The following CDK5RAP2 variants were observed in gnomAD, a reference collection of about 807,000 sequenced individuals.
The protein encoded by CDK5RAP2 is CDK5 regulatory subunit associated protein 2.
A neutral mutation model predicts 232.9 loss-of-function variants in CDK5RAP2; 147 were observed. That is an observed-to-expected ratio of 0.63 (90% CI 0.55 to 0.72). The LOEUF is 0.72. Ranked by LOEUF, CDK5RAP2 falls within the 30% of genes least tolerant of loss-of-function variation. CDK5RAP2 has a pLI of 0.00. For missense variants in CDK5RAP2, 2,195 were observed against 2,231.5 expected, an observed-to-expected ratio of 0.98 and a Z score of 0.33; for synonymous variants, 833 against 833.7, an observed-to-expected ratio of 1.00 and a Z score of 0.01.
Position 120,550,861 on chromosome 9 carries a change from G to C in CDK5RAP2, c.237C>G (p.Leu79=), listed in dbSNP as rs1383566587. 1.1e-5 allele frequency: 18 copies of C among 1,613,284 alleles called. No individual in the cohort carries two copies. Among genetic ancestry groups the C allele is most frequent in the Non-Finnish European group, 1.5e-5 (18 of 1,179,394 alleles). ...TTCTTTCCTCAAGGAAATAGATGCG[G>C]AGCTTTAGGTTAAAGTTTTCTTTCT... The part of the protein sequence containing the change: ...ELKKENFNLK[L]RIYFLEERMQ... Residue 79 remains leucine, a synonymous_variant, in exon 4 of 38, where the codon CTC becomes CTG. Transcript: ENST00000349780.
chr9:120,409,088 G>C (rs1459198465), intron 30 of CDK5RAP2, 39 bp downstream of exon 30: 9 of 1,590,120 alleles, frequency 5.7e-6, no homozygotes, highest in Non-Finnish European at 7.7e-6. Context: ...CTGCATGCGT[G>C]GTACGGCCAG....
At position 120,573,134 on chromosome 9, in the gene CDK5RAP2, T is replaced by C. The variant is rs180898109; in HGVS notation, c.60-1093A>G. On this transcript the variant is annotated intron_variant, in intron 1 of 37. Coordinates refer to ENST00000349780, the MANE Select transcript of CDK5RAP2 (RefSeq NM_018249.6). Reference sequence around the variant, plus strand: ...CATGCCTCTAAATCCAAATTCATTGTGCTCCTAGGATAATTTTGCCTGACC... The same window carrying C: ...CATGCCTCTAAATCCAAATTCATTGCGCTCCTAGGATAATTTTGCCTGACC... Among the ~76,000 whole-genome samples the C allele has an allele frequency of 2.6e-3, 389 of 152,362 alleles. 2 individuals carry two copies. The highest frequency in any genetic ancestry group is 8.2e-3 in the African/African-American group (343 of 41,580).
At chr9:120,402,756 C>T (rs752959590) in intron 34 of CDK5RAP2, 50 bp downstream of exon 34, 10 of 1,609,252 alleles carry the variant, frequency 6.2e-6, no homozygotes, top group South Asian at 3.3e-5. Flanking sequence ...CCCCTTCCAC[C>T]GACACTCCCA....
At position 120,453,790 on chromosome 9, in the gene CDK5RAP2, T is replaced by C. The variant is rs746550137; in HGVS notation, c.2459A>G (p.Asp820Gly). ...TEQEVSGEHL[D>G]GKTEKTPKQK... Reference sequence around the variant, plus strand: ...CTTAGGTGTCTTCTCAGTTTTACCATCAAGGTGTTCTCCAGAAACTTCCTG... The same window carrying C: ...CTTAGGTGTCTTCTCAGTTTTACCACCAAGGTGTTCTCCAGAAACTTCCTG... The change falls in exon 21 of 38, where the codon GAT becomes GGT. Residue 820 changes from aspartate to glycine, a missense_variant. Transcript: ENST00000349780. 1.3e-5 allele frequency: 21 copies of C among 1,614,088 alleles called. No homozygotes were observed. The highest frequency in any genetic ancestry group is 1.6e-5 in the Non-Finnish European group (19 of 1,180,038).
In CDK5RAP2 at chr9:120,491,596, T is replaced by C. The variant is rs80011591; in HGVS notation, c.1312-119A>G. The C allele has an allele frequency of 4.6e-3, 3,023 of 656,148 alleles. 66 individuals carry two copies. In the African/African-American group the frequency reaches 0.049, roughly 11 times the overall value. The allele number at this position is 656,148 out of a possible 1,614,324, so 40.6% of individuals were successfully genotyped here. The stretch of plus-strand genomic sequence containing the variant: ...GATAATAGATGTATTTAAGGGAGTA[T>C]ACAAGTGTATATTTAAATCCTTCTC... On this transcript the variant is annotated intron_variant, in intron 12 of 37. Transcript: ENST00000349780.
chr9:120,498,380 C>T (rs2039417687), intron 12 of CDK5RAP2, among the ~76,000 whole-genome samples: 1 of 152,146 alleles, frequency 6.6e-6, no homozygotes, highest in Admixed American at 6.5e-5. Flanking sequence ...GAACATTTCA[C>T]AAAATAACTG....
At chr9:120,425,253 CTATT>C (rs2034821425) in intron 25 of CDK5RAP2, among the ~76,000 whole-genome samples, 1 of 152,170 alleles carries the variant, frequency 6.6e-6, no homozygotes, top group African/African-American at 2.4e-5. Context: ...ACCCGTTCCC[CTATT>C]ATTATAACAG....
At chr9:120,542,957 G>A (rs1045217354) in intron 5 of CDK5RAP2, among the ~76,000 whole-genome samples, 1 of 152,196 alleles carries the variant, frequency 6.6e-6, no homozygotes, top group African/African-American at 2.4e-5. Flanking sequence ...GCTGGGAGGA[G>A]GTGAGAGGGG....
chr9:120,471,911 C>G (rs754561567), intron 15 of CDK5RAP2, 33 bp from the exon 16 acceptor site: 1 of 1,613,636 alleles, frequency 6.2e-7, no homozygotes. Flanking sequence ...AGTTTTAAAA[C>G]AGACCTATTT....
intron 35 of CDK5RAP2, among the ~76,000 whole-genome samples, chr9:120,400,452 G>C (rs2032900826): frequency 6.6e-6 from 1 of 152,202 alleles, no homozygotes; most frequent in South Asian, 2.1e-4. Context: ...TTTCAAACAA[G>C]TTCTAACCTT....
rs146699274 is a variant in CDK5RAP2, at chr9:120,492,178, A to C, written c.1312-701T>G. Among the ~76,000 whole-genome samples, 340 of 152,314 alleles carry C rather than the reference A, an allele frequency of 2.2e-3. 2 individuals carry two copies. Among genetic ancestry groups the C allele is most frequent in the African/African-American group, 7.8e-3 (324 of 41,578 alleles). On this transcript the variant is annotated intron_variant, in intron 12 of 37. Transcript: ENST00000349780. Reference sequence around the variant, plus strand: ...ATACTGAAGCACTATTCATAATAGCAAAAGGCTGTGAACAATCCAAATGTC... The same window carrying C: ...ATACTGAAGCACTATTCATAATAGCCAAAGGCTGTGAACAATCCAAATGTC...
At chr9:120,508,338 G>T (rs918980652) in intron 12 of CDK5RAP2, among the ~76,000 whole-genome samples, 1 of 152,090 alleles carries the variant, frequency 6.6e-6, no homozygotes, top group Non-Finnish European at 1.5e-5. Context: ...TGTGGAGGTG[G>T]GTGCCAGGCC....
Position 120,539,117 on chromosome 9 carries a change from C to A in CDK5RAP2, c.431G>T (p.Arg144Leu). 1 of 1,613,988 alleles carries A rather than the reference C, an allele frequency of 6.2e-7. No individual in the cohort carries two copies. Among genetic ancestry groups the A allele is most frequent in the Non-Finnish European group, 8.5e-7 (1 of 1,179,918 alleles). The change falls in exon 6 of 38, where the codon CGG (arginine) becomes CTG (leucine). Residue 144 changes from arginine to leucine, a missense_variant. By Grantham distance (102) the Arg-to-Leu change is moderately radical. Transcript: ENST00000349780. ...CTTCTTTCGAGCATCTTCTTTCACC[C>A]GCTGGATTTCAGAGCCACCTGCTTC... ...LAEAGGSEIQ[R>L]VKEDARKKVQ...
rs56032707 is a variant in CDK5RAP2 at position 120,518,165 on chromosome 9, CTGTGTGTG to C, written c.1311+254_1311+261del. 1.2e-3 allele frequency among the ~76,000 whole-genome samples: 131 copies of C among 111,238 alleles called. 2 individuals are homozygous for C. The highest frequency in any genetic ancestry group is 3.5e-3 in the South Asian group (9 of 2,602). 73.0% of individuals were successfully genotyped at this position (111,238 alleles called of 152,430 possible). On this transcript the variant is annotated intron_variant, in intron 12 of 37. Coordinates refer to ENST00000349780, the MANE Select transcript of CDK5RAP2 (RefSeq NM_018249.6). ...CTGTATTTTCAACTCGATAACAACT[CTGTGTGTG>C]TGTGTGTGTGTGTGTGTGTGTGTGT...
intron 11 of CDK5RAP2, among the ~76,000 whole-genome samples, chr9:120,522,576 C>T (rs2131867147): frequency 6.6e-6 from 1 of 152,290 alleles, no homozygotes; most frequent in Non-Finnish European, 1.5e-5. Flanking sequence ...TTATAAATTT[C>T]CTACAATGTG....
chr9:120,397,968 TC>T (rs1449117807), intron 35 of CDK5RAP2, among the ~76,000 whole-genome samples: 1 of 152,200 alleles, frequency 6.6e-6, no homozygotes. Context: ...TCTCCCTCTT[TC>T]CCCACGCTGG....
chr9:120,422,253 GTGCACAGCTA>G (rs1319534692), intron 26 of CDK5RAP2, among the ~76,000 whole-genome samples: 1 of 152,212 alleles, frequency 6.6e-6, no homozygotes, highest in East Asian at 1.9e-4. Context: ...GGAAGGCAGA[GTGCACAGCTA>G]TGGTGTGGAG....
At chr9:120,490,531 T>C (rs1315346347) in intron 13 of CDK5RAP2, among the ~76,000 whole-genome samples, 8 of 152,272 alleles carry the variant, frequency 5.3e-5, no homozygotes. Flanking sequence ...ATGCATGCTA[T>C]GCCTTTCTGG....
At chr9:120,408,231 A>T in intron 31 of CDK5RAP2, 116 bp downstream of exon 31, 1 of 1,191,246 alleles carries the variant, frequency 8.4e-7, no homozygotes. Context: ...CATCCACTCT[A>T]CCCACAAGGC....
Sources: gnomAD v4.1 joint callset for allele counts (sites outside exome capture counted in the v4.1 genomes callset) on GRCh38, gnomAD v4.1.1 for gene constraint, MANE v1.5 for transcripts, NCBI Gene and HGNC (gene_info 2026-07-23, HGNC 2026-07-21) for gene names.